PRICKLE1: variants seen among roughly 807,000 people sequenced by gnomAD.
PRICKLE1 encodes the protein prickle planar cell polarity protein 1, also known as prickle-like protein 1.
A neutral mutation model predicts 70.2 loss-of-function variants in PRICKLE1; 14 were observed. The observed-to-expected ratio is 0.20, with a 90% confidence interval of 0.13 to 0.31. The LOEUF is 0.31. PRICKLE1 is among the 10% of genes least tolerant of loss of function. PRICKLE1 has a pLI of 1.00. For synonymous variants in PRICKLE1, 357 were observed against 379.9 expected, an observed-to-expected ratio of 0.94 and a Z score of 0.70; for missense variants, 821 against 1,026.2, an observed-to-expected ratio of 0.80 and a Z score of 2.73.
rs146257162 is a variant in PRICKLE1 at position 42,539,558 on chromosome 12, T to C, written c.-49+49907A>G. On this transcript the variant is annotated intron_variant, in intron 1 of 7. Coordinates refer to ENST00000345127, the MANE Select transcript of PRICKLE1 (RefSeq NM_153026.3). ...TATTTTACCCTGAAATAGAGAGCAATGTCTTTGAATAAGACAGCTGCTGTC... is the reference window on the plus strand; with the variant it reads ...TATTTTACCCTGAAATAGAGAGCAACGTCTTTGAATAAGACAGCTGCTGTC... Among the ~76,000 whole-genome samples, 667 of 152,222 alleles carry C rather than the reference T, an allele frequency of 4.4e-3. 3 individuals carry two copies. Among genetic ancestry groups the C allele is most frequent in the Non-Finnish European group, 7.6e-3 (515 of 68,006 alleles).
Position 42,458,983 on chromosome 12 carries a change from C to A in PRICKLE1, c.*826G>T, listed in dbSNP as rs1050882586. Reference sequence around the variant, plus strand: ...CTTTTTTAATATTGGAAAAAAAAATCAAAAAAAGTTGAATTTTCCATCACT... The same window carrying A: ...CTTTTTTAATATTGGAAAAAAAAATAAAAAAAAGTTGAATTTTCCATCACT... On this transcript the variant is annotated 3_prime_UTR_variant, in exon 8 of 8. Transcript: ENST00000345127. 5.3e-4 allele frequency: 143 copies of A among 268,174 alleles called. No individual in the cohort carries two copies. The highest frequency in any genetic ancestry group is 3.7e-3 in the East Asian group (51 of 13,784). The allele number at this position is 268,174 out of a possible 1,614,324, so 16.6% of individuals were successfully genotyped here. A position where few individuals can be genotyped will look rare whatever the true frequency, so the allele number is the denominator to read the frequency against.
At position 42,589,570 on chromosome 12, in the gene PRICKLE1, G is replaced by C. The variant is rs1279544608; in HGVS notation, c.-154C>G. The C allele has an allele frequency of 6.5e-6, 1 of 154,128 alleles. No homozygotes were observed. Among genetic ancestry groups the C allele is most frequent in the East Asian group, 1.9e-4 (1 of 5,194 alleles). 9.5% of individuals were successfully genotyped at this position (154,128 alleles called of 1,614,324 possible). On this transcript the variant is annotated 5_prime_UTR_variant, in exon 1 of 8. Transcript: ENST00000345127. The surrounding 1 kb of genome is among the most constrained non-coding windows in gnomAD (Gnocchi z 5.0). ...AGGAGCTGCGGTCCGCGGCGTCAGG[G>C]GTGGGCGAGGGTGAGCAGCGCACGA...
At chr12:42,479,955 A>T (rs1011761841) in intron 1 of PRICKLE1, among the ~76,000 whole-genome samples, 6 of 140,772 alleles carry the variant, frequency 4.3e-5, no homozygotes, top group Non-Finnish European at 7.6e-5. Flanking sequence ...ACTCCATCTT[A>T]AAAAAAAAAA....
At position 42,519,193 on chromosome 12, in the gene PRICKLE1, CTTTTT is replaced by C. The variant is rs11342397; in HGVS notation, c.-48-46634_-48-46630del. ...TACTGAATTTCCTTTCCTTTTTTTCCTTTTTTTTTTTTTTTTTTTTGAGATGGTGT... is the reference window on the plus strand; with the variant it reads ...TACTGAATTTCCTTTCCTTTTTTTCCTTTTTTTTTTTTTTTGAGATGGTGT... On this transcript the variant is annotated intron_variant, in intron 1 of 7. Coordinates refer to ENST00000345127, the MANE Select transcript of PRICKLE1 (RefSeq NM_153026.3). Among the ~76,000 whole-genome samples, 987 of 99,222 alleles carry C rather than the reference CTTTTT, an allele frequency of 9.9e-3. 16 individuals carry two copies. The highest frequency in any genetic ancestry group is 0.036 in the African/African-American group (936 of 26,320). 65.1% of individuals were successfully genotyped at this position (99,222 alleles called of 152,430 possible).
intron 1 of PRICKLE1, among the ~76,000 whole-genome samples, chr12:42,495,182 A>G (rs1297240755): frequency 6.6e-6 from 1 of 151,588 alleles, no homozygotes; most frequent in African/African-American, 2.4e-5. Flanking sequence ...CAGCCTGGGC[A>G]ACACAGTGAA....
At chr12:42,466,810 G>A (rs967566929) in intron 5 of PRICKLE1, among the ~76,000 whole-genome samples, 1 of 151,658 alleles carries the variant, frequency 6.6e-6, no homozygotes, top group Admixed American at 6.5e-5. Context: ...CTACACAGAT[G>A]CTGGAATTGA....
rs2140098905 is a variant in PRICKLE1, at chr12:42,464,111, C to T, written c.1639+284G>A. Among the ~76,000 whole-genome samples, 1 of 152,224 alleles carries T rather than the reference C, an allele frequency of 6.6e-6. No individual in the cohort carries two copies. Among genetic ancestry groups the T allele is most frequent in the South Asian group, 2.1e-4 (1 of 4,818 alleles). ...TGGCGCAATCTTGGCTCACTACAAC[C>T]TCTGCCTCCTGGGTTCAAGCAATTC... On this transcript the variant is annotated intron_variant, in intron 7 of 7. Transcript: ENST00000345127. This position sits in a 1 kb window ranked among gnomAD's most constrained non-coding sequence, Gnocchi z 4.2.
intron 1 of PRICKLE1, chr12:42,525,087 G>T (rs1006794226): frequency 2.6e-5 from 4 of 152,174 alleles, no homozygotes; most frequent in Admixed American, 1.3e-4. Flanking sequence ...AGAACTTTGA[G>T]CCACACTCCC....
chr12:42,544,035 C>T (rs1304090009), intron 1 of PRICKLE1, among the ~76,000 whole-genome samples: 2 of 149,406 alleles, frequency 1.3e-5, no homozygotes, highest in Admixed American at 1.3e-4. Flanking sequence ...TCATCCATGT[C>T]ATCTTATGTC....
chr12:42,486,272 T>C (rs1938989321), intron 1 of PRICKLE1, among the ~76,000 whole-genome samples: 1 of 152,250 alleles, frequency 6.6e-6, no homozygotes, highest in African/African-American at 2.4e-5. Context: ...ACATGTCTAT[T>C]TGTTTATCGT....
rs1483960423 is a variant in PRICKLE1, at chr12:42,540,560, C to CAT, written c.-49+48903_-49+48904dup. On this transcript the variant is annotated intron_variant, in intron 1 of 7. Coordinates refer to ENST00000345127, the MANE Select transcript of PRICKLE1 (RefSeq NM_153026.3). ...ATCATAGCTTGGTGGTCATGAAATACATATATATATATAGTTTTTGAGATG... is the reference window on the plus strand; with the variant it reads ...ATCATAGCTTGGTGGTCATGAAATACATATATATATATATAGTTTTTGAGATG... Among the ~76,000 whole-genome samples, 422 of 151,298 alleles carry CAT rather than the reference C, an allele frequency of 2.8e-3. 3 individuals are homozygous for CAT. Among genetic ancestry groups the CAT allele is most frequent in the African/African-American group, 9.1e-3 (376 of 41,234 alleles).
At chr12:42,480,541 A>C (rs1157787957) in intron 1 of PRICKLE1, among the ~76,000 whole-genome samples, 2 of 152,256 alleles carry the variant, frequency 1.3e-5, no homozygotes, top group Non-Finnish European at 2.9e-5. Flanking sequence ...TTCAAACTAA[A>C]GAGAAGGTTT....
rs527906634 is a variant in PRICKLE1, at chr12:42,546,605, T to C, written c.-49+42860A>G. On this transcript the variant is annotated intron_variant, in intron 1 of 7. Coordinates refer to ENST00000345127, the MANE Select transcript of PRICKLE1 (RefSeq NM_153026.3). ...CCTGTTTTTACTAAAAATACAAAAA[T>C]TAGCCAGGTGTGGTGGCATGTGCCT... Among the ~76,000 whole-genome samples, 7 of 152,226 alleles carry C rather than the reference T, an allele frequency of 4.6e-5. No homozygotes were observed. In the East Asian group the frequency reaches 1.4e-3, roughly 29 times the overall value.
At chr12:42,515,609 C>T (rs918869412) in intron 1 of PRICKLE1, among the ~76,000 whole-genome samples, 1 of 152,190 alleles carries the variant, frequency 6.6e-6, no homozygotes, top group African/African-American at 2.4e-5. Flanking sequence ...TTGTTGAAAG[C>T]TTACATATCT....
rs958444916 is a variant in PRICKLE1 at position 42,497,369 on chromosome 12, C to A, written c.-48-24805G>T. ...GATCATCCTGGCTAACACGGTGAAA[C>A]CCTGTCTCTACTAAAAATACAAAAA... On this transcript the variant is annotated intron_variant, in intron 1 of 7. Transcript: ENST00000345127. Among the ~76,000 whole-genome samples, 81 of 151,924 alleles carry A rather than the reference C, an allele frequency of 5.3e-4. 1 individual carries two copies. Among genetic ancestry groups the A allele is most frequent in the African/African-American group, 1.9e-3 (78 of 41,442 alleles).
chr12:42,551,095 C>T (rs1020899712), intron 1 of PRICKLE1, among the ~76,000 whole-genome samples: 6 of 152,120 alleles, frequency 3.9e-5, no homozygotes, highest in African/African-American at 1.4e-4. Flanking sequence ...ATAATTAAAG[C>T]CAATTGCATT....
intron 1 of PRICKLE1, among the ~76,000 whole-genome samples, chr12:42,498,620 T>G (rs1939252371): frequency 6.6e-6 from 1 of 152,164 alleles, no homozygotes; most frequent in Non-Finnish European, 1.5e-5. Flanking sequence ...TTGTCTCTAT[T>G]TAAATTAAAA....
At chr12:42,536,109 C>T (rs777494357) in intron 1 of PRICKLE1, among the ~76,000 whole-genome samples, 31 of 152,104 alleles carry the variant, frequency 2.0e-4, no homozygotes, top group African/African-American at 6.5e-4. Flanking sequence ...TGTGATGAAA[C>T]GCTCAAATGT....
intron 1 of PRICKLE1, among the ~76,000 whole-genome samples, chr12:42,511,188 G>A (rs1479686980): frequency 6.6e-6 from 1 of 152,178 alleles, no homozygotes; most frequent in African/African-American, 2.4e-5. Flanking sequence ...TAAAACCAGA[G>A]GGAAACTTCA....
Sources: allele counts gnomAD v4.1 joint callset (sites outside exome capture counted in the v4.1 genomes callset), GRCh38; gene constraint gnomAD v4.1.1; non-coding constraint Gnocchi (gnomAD v3.1); transcripts MANE v1.5; gene names NCBI Gene and HGNC (gene_info 2026-07-23, HGNC 2026-07-21).